The following ARHGAP32 variants were observed in gnomAD, a reference collection of about 807,000 sequenced individuals.
ARHGAP32 encodes the protein Rho GTPase activating protein 32, also known as rho GTPase-activating protein 32.
ARHGAP32 carries 51 observed loss-of-function variants against 186.5 expected under a neutral mutation model. The ratio of observed to expected loss-of-function variants is 0.27; its 90% CI spans 0.22 to 0.35. The LOEUF is 0.35. Among genes scored for constraint, ARHGAP32 ranks in the 10% least tolerant of loss-of-function variants. ARHGAP32 has a pLI of 1.00. For synonymous variants in ARHGAP32, 950 were observed against 964.3 expected (o/e 0.99, Z 0.27); for missense variants, 2,186 against 2,623.5 (o/e 0.83, Z 3.64).
rs550327719 is a variant in ARHGAP32, at chr11:129,051,439, T to C, written c.964-10430A>G. 3.9e-5 allele frequency among the ~76,000 whole-genome samples: 6 copies of C among 152,376 alleles called. No homozygotes were observed. In the East Asian group the frequency reaches 9.6e-4, roughly 24 times the overall value. On this transcript the variant is annotated intron_variant, in intron 10 of 22. Coordinates refer to ENST00000682385, the MANE Select transcript of ARHGAP32 (RefSeq NM_001378024.1). ...TATGTTTGTTGGTCACATAAATGTCTTCTTTTGAGAAGTGTCTGTTTATAT... is the reference window on the plus strand; with the variant it reads ...TATGTTTGTTGGTCACATAAATGTCCTCTTTTGAGAAGTGTCTGTTTATAT...
chr11:128,983,245 C>T (rs73029243), intron 15 of ARHGAP32, among the ~76,000 whole-genome samples: 16,956 of 152,174 alleles, frequency 0.11, 1,218 homozygotes, highest in Non-Finnish European at 0.15. Context: ...AAAGTGCCTG[C>T]GCGTTCAAGG....
At chr11:129,231,017 C>T (rs1944852006) in intron 1 of ARHGAP32, among the ~76,000 whole-genome samples, 1 of 152,062 alleles carries the variant, frequency 6.6e-6, no homozygotes, top group Non-Finnish European at 1.5e-5. Context: ...TGCCTGTAAT[C>T]CCAGCTACTC....
intron 2 of ARHGAP32, among the ~76,000 whole-genome samples, chr11:129,156,032 G>C (rs1943396133): frequency 6.6e-6 from 1 of 152,206 alleles, no homozygotes; most frequent in Non-Finnish European, 1.5e-5. Context: ...TGAGAAGACT[G>C]TGCCGTGAGA....
chr11:129,224,485 CA>C (rs1486095626), intron 1 of ARHGAP32, among the ~76,000 whole-genome samples: 1 of 152,020 alleles, frequency 6.6e-6, no homozygotes, highest in Non-Finnish European at 1.5e-5. Context: ...ATCCATGGAA[CA>C]TTTTTTCAAG....
intron 6 of ARHGAP32, among the ~76,000 whole-genome samples, chr11:129,076,061 ATACAC>A (rs1313594458): frequency 6.6e-6 from 1 of 152,176 alleles, no homozygotes; most frequent in South Asian, 2.1e-4. Context: ...ACTGCTCATT[ATACAC>A]TAATTATAAT....
intron 1 of ARHGAP32, among the ~76,000 whole-genome samples, chr11:129,252,151 C>A (rs1945194685): frequency 6.6e-6 from 1 of 152,086 alleles, no homozygotes; most frequent in Admixed American, 6.5e-5. Flanking sequence ...CTACAGTATA[C>A]TTGTATCGTC....
chr11:129,101,487 T>C (rs1210778561), intron 5 of ARHGAP32, among the ~76,000 whole-genome samples: 1 of 151,878 alleles, frequency 6.6e-6, no homozygotes, highest in African/African-American at 2.4e-5. Flanking sequence ...ACAGACAAAA[T>C]AGCCAGTATA....
chr11:129,258,337 A>G (rs897352840), intron 1 of ARHGAP32, among the ~76,000 whole-genome samples: 1 of 152,164 alleles, frequency 6.6e-6, no homozygotes, highest in Non-Finnish European at 1.5e-5. Context: ...CCATTTAAAG[A>G]TTGTCTCCTC....
At chr11:129,113,598 G>T (rs2135348048) in intron 5 of ARHGAP32, among the ~76,000 whole-genome samples, 1 of 151,846 alleles carries the variant, frequency 6.6e-6, no homozygotes, top group Admixed American at 6.6e-5. Context: ...TGGTTCATCT[G>T]CAAGTTTTTT....
At chr11:129,161,602 C>A (rs950437861) in intron 2 of ARHGAP32, among the ~76,000 whole-genome samples, 1 of 152,104 alleles carries the variant, frequency 6.6e-6, no homozygotes, top group Non-Finnish European at 1.5e-5. Context: ...AATGAGATAC[C>A]ACCTCACACT....
chr11:129,211,247 T>C (rs1354193179), intron 1 of ARHGAP32, among the ~76,000 whole-genome samples: 1 of 152,196 alleles, frequency 6.6e-6, no homozygotes, highest in East Asian at 1.9e-4. Flanking sequence ...CTGGATATAA[T>C]GCTGTATAGA....
chr11:129,147,962 G>A (rs533337058), intron 2 of ARHGAP32, among the ~76,000 whole-genome samples: 2 of 152,136 alleles, frequency 1.3e-5, no homozygotes, highest in Non-Finnish European at 1.5e-5. Context: ...AATAAGGAAA[G>A]CATCATGATA....
intron 10 of ARHGAP32, among the ~76,000 whole-genome samples, chr11:129,054,824 A>C (rs1940186351): frequency 6.6e-6 from 1 of 152,238 alleles, no homozygotes; most frequent in Non-Finnish European, 1.5e-5. Flanking sequence ...ATTTCAAATT[A>C]CTGTAGTTAA....
At chr11:129,171,131 C>G (rs1273327853) in intron 1 of ARHGAP32, among the ~76,000 whole-genome samples, 1 of 152,214 alleles carries the variant, frequency 6.6e-6, no homozygotes, top group Non-Finnish European at 1.5e-5. Flanking sequence ...CCTGTTCACT[C>G]TGATGATAAG....
chr11:129,202,087 T>C (rs545995168), intron 1 of ARHGAP32, among the ~76,000 whole-genome samples: 30 of 152,116 alleles, frequency 2.0e-4, no homozygotes, highest in African/African-American at 6.7e-4. Flanking sequence ...TACATATACA[T>C]ATACACACAT....
chr11:129,163,896 G>A (rs1943579903), intron 2 of ARHGAP32, among the ~76,000 whole-genome samples: 1 of 152,074 alleles, frequency 6.6e-6, no homozygotes, highest in Non-Finnish European at 1.5e-5. Flanking sequence ...TTCTCATCCA[G>A]TTTCAGCCAC....
intron 2 of ARHGAP32, among the ~76,000 whole-genome samples, 164 bp downstream of exon 2, chr11:129,164,155 T>G (rs909433885): frequency 6.6e-6 from 1 of 152,128 alleles, no homozygotes; most frequent in East Asian, 1.9e-4. Context: ...CCACAGACTC[T>G]ACGACAGTGC....
chr11:129,222,087 G>C (rs778365685), intron 1 of ARHGAP32, among the ~76,000 whole-genome samples: 6 of 152,142 alleles, frequency 3.9e-5, no homozygotes, highest in Non-Finnish European at 7.4e-5. Flanking sequence ...GCAACAGGAT[G>C]AAGAAACAGC....
chr11:129,231,640 T>C (rs976375776), intron 1 of ARHGAP32, among the ~76,000 whole-genome samples: 1 of 152,064 alleles, frequency 6.6e-6, no homozygotes, highest in Admixed American at 6.6e-5. Context: ...ATAAAAGTAG[T>C]ACACCTAATG....
Sources: allele counts gnomAD v4.1 joint callset (sites outside exome capture counted in the v4.1 genomes callset), GRCh38; gene constraint gnomAD v4.1.1; transcripts MANE v1.5; gene names NCBI Gene and HGNC (gene_info 2026-07-23, HGNC 2026-07-21).